The following FAM174C variants were observed in gnomAD, a reference collection of about 807,000 sequenced individuals.
The protein encoded by FAM174C is protein FAM174C.
Under a neutral mutation model 12.3 loss-of-function variants are expected in FAM174C, and 19 were observed. The observed-to-expected ratio is 1.55, with a 90% CI of 1.08 to 2.27. The LOEUF (loss-of-function observed/expected upper bound fraction) is 2.27. Among genes scored for constraint, FAM174C ranks in the 30% most tolerant of loss-of-function variants. FAM174C has a pLI of 0.00. For synonymous variants in FAM174C, 147 were observed against 103.5 expected (o/e 1.42, Z -2.55); for missense variants, 239 against 190.2 (o/e 1.26, Z -1.51).
Position 1,279,156 on chromosome 19 carries a change from G to T in FAM174C, c.*379G>T. ...GCCCAGAGCCAAGGCTGGGTGGGCA[G>T]GTGACCCAAGGAACCTTTCTGGGAA... is the stretch of plus-strand genomic sequence containing the variant. On this transcript the variant is annotated 3_prime_UTR_variant, in exon 3 of 3. Transcript: ENST00000409293. 1 of 1,613,018 alleles carries T rather than the reference G, an allele frequency of 6.2e-7. No homozygotes were observed. The highest frequency in any genetic ancestry group is 8.5e-7 in the Non-Finnish European group (1 of 1,179,924).
At chr19:1,277,497 T>C (rs1663084375) in intron 2 of FAM174C, among the ~76,000 whole-genome samples, 198 bp downstream of exon 2, 2 of 152,014 alleles carry the variant, frequency 1.3e-5, no homozygotes, top group Admixed American at 1.3e-4. Context: ...TAAACTTAAA[T>C]GTTTGTCATT....
Position 1,277,169 on chromosome 19 carries a change from G to A in FAM174C, c.282-14G>A. 6.5e-7 allele frequency: 1 copy of A among 1,535,104 alleles called. No individual in the cohort carries two copies. The highest frequency in any genetic ancestry group is 1.7e-4 in the Middle Eastern group (1 of 5,940). ...CGGGGAGGGGCCACTGACTATGCCT[G>A]GACCTACTTCCAGGTTGAAGAAGCC... On this transcript the variant is annotated splice_polypyrimidine_tract_variant and intron_variant, in intron 1 of 2. Coordinates refer to ENST00000409293, the MANE Select transcript of FAM174C (RefSeq NM_017914.4).
At position 1,277,682 on chromosome 19, in the gene FAM174C, C is replaced by G. The variant is rs376399327; in HGVS notation, c.398+383C>G. On this transcript the variant is annotated intron_variant, in intron 2 of 2. Transcript: ENST00000409293. ...AGAGATGGGGTTTCACCATGTTGGC[C>G]AGGCTGGGTTCCAGCTCCTTACCTC... Among the ~76,000 whole-genome samples the G allele has an allele frequency of 4.4e-4, 67 of 152,210 alleles. 2 individuals are homozygous for G. In the South Asian group the frequency reaches 0.013, roughly 29 times the overall value.
chr19:1,276,952 C>G (rs1053438938), intron 1 of FAM174C: 1 of 485,476 alleles, frequency 2.1e-6, no homozygotes, highest in Non-Finnish European at 3.4e-6. Flanking sequence ...GGTCCTGGCG[C>G]AGGGGAGATG....
chr19:1,276,993 C>T (rs2081418401), intron 1 of FAM174C, 190 bp from the exon 2 acceptor site: 2 of 890,210 alleles, frequency 2.2e-6, no homozygotes, highest in Non-Finnish European at 1.6e-6. Flanking sequence ...TGTCTTCTTA[C>T]TGTCATCGCC....
At chr19:1,276,118 G>A (rs1600041466) in intron 1 of FAM174C, 1 of 464,682 alleles carries the variant, frequency 2.2e-6, no homozygotes, top group Admixed American at 4.2e-5. Flanking sequence ...GGCCACTGAA[G>A]CCGGAGCATG....
At chr19:1,278,674 G>C (rs1283393073) in intron 2 of FAM174C, 103 bp from the exon 3 acceptor site, 2 of 1,554,392 alleles carry the variant, frequency 1.3e-6, no homozygotes, top group East Asian at 4.8e-5. Flanking sequence ...GTAGACCGAG[G>C]GGCCTGGACA....
chr19:1,275,766 T>G lies in FAM174C; in HGVS notation c.217T>G (p.Ser73Ala). The change falls in exon 1 of 3, where the codon TCC becomes GCC. Residue 73 changes from serine (S) to alanine (A), a missense_variant. Transcript: ENST00000409293. Reference protein sequence around the residue: ...PGASGSALTRSFYVILGFCGL... With the variant: ...PGASGSALTRAFYVILGFCGL... The stretch of plus-strand genomic sequence containing the variant: ...GGCGTCGGGCTCGGCGCTGACGCGC[T>G]CCTTCTACGTGATCCTGGGCTTCTG... 6 of 1,539,014 alleles carry G rather than the reference T, an allele frequency of 3.9e-6. No homozygotes were observed. Among genetic ancestry groups the G allele is most frequent in the Non-Finnish European group, 5.2e-6 (6 of 1,145,934 alleles).
chr19:1,277,214 C>T lies in FAM174C; in HGVS notation c.313C>T (p.Leu105Phe). 1.9e-6 allele frequency: 3 copies of T among 1,547,602 alleles called. No individual in the cohort carries two copies. The highest frequency in any genetic ancestry group is 2.5e-5 in the East Asian group (1 of 40,790). The change falls in exon 2 of 3, where the codon CTC becomes TTC. Residue 105 changes from leucine to phenylalanine, a missense_variant. Physicochemically the swap from Leu to Phe is conservative, Grantham distance 22. Coordinates refer to ENST00000409293, the MANE Select transcript of FAM174C (RefSeq NM_017914.4). Reference sequence around the variant, plus strand: ...GAAGCCTCAGCGGAGGCGATACGGCCTCCTCGCCAACACTGAGGACCCCAC... The same window carrying T: ...GAAGCCTCAGCGGAGGCGATACGGCTTCCTCGCCAACACTGAGGACCCCAC... ...LKKPQRRRYGLLANTEDPTEM... is the reference protein window; with the variant it reads ...LKKPQRRRYGFLANTEDPTEM...
At position 1,279,174 on chromosome 19, in the gene FAM174C, TCTGGGAACACCTTCTCGCCGGG is replaced by T; in HGVS notation, c.*407_*428del. 6.2e-7 allele frequency: 1 copy of T among 1,612,808 alleles called. No homozygotes were observed. ...GTGGGCAGGTGACCCAAGGAACCTT[TCTGGGAACACCTTCTCGCCGGG>T]CTGGGAACAATAAATGCAGCCATGT... On this transcript the variant is annotated 3_prime_UTR_variant, in exon 3 of 3. Coordinates refer to ENST00000409293, the MANE Select transcript of FAM174C (RefSeq NM_017914.4).
In FAM174C at chr19:1,275,556, C is replaced by T. The variant is rs1205541051; in HGVS notation, c.7C>T (p.Pro3Ser). MG[P>S]RVLQPPLLLL... Reference sequence around the variant, plus strand: ...CCACCGCTTCCGCCGGGCCATGGGGCCGCGCGTGCTGCAGCCGCCGCTGCT... The same window carrying T: ...CCACCGCTTCCGCCGGGCCATGGGGTCGCGCGTGCTGCAGCCGCCGCTGCT... Residue 3 changes from proline (P) to serine (S), a missense_variant, in exon 1 of 3, where the codon CCG (proline) becomes TCG (serine). By Grantham distance (74) the Pro-to-Ser change is moderately conservative. Coordinates refer to ENST00000409293, the MANE Select transcript of FAM174C (RefSeq NM_017914.4). The T allele has an allele frequency of 1.3e-5, 16 of 1,212,924 alleles. No homozygotes were observed. Among genetic ancestry groups the T allele is most frequent in the South Asian group, 4.0e-5 (1 of 25,292 alleles). 75.1% of individuals were successfully genotyped at this position (1,212,924 alleles called of 1,614,324 possible).
rs12979308 is a variant in FAM174C, at chr19:1,275,988, C to G, written c.281+158C>G. On this transcript the variant is annotated intron_variant, in intron 1 of 2. Coordinates refer to ENST00000409293, the MANE Select transcript of FAM174C (RefSeq NM_017914.4). ...TGGGCGGTGCTGTGCGGGGTCGTCA[C>G]GTGGTGTGGGCGGTGCAGGGGCCAC... 0.78 allele frequency: 551,788 copies of G among 710,924 alleles called. 215,881 individuals are homozygous for G. The highest frequency in any genetic ancestry group is 0.97 in the East Asian group (31,367 of 32,364). The allele number at this position is 710,924 out of a possible 1,614,324, so 44.0% of individuals were successfully genotyped here.
chr19:1,276,157 G>T, intron 1 of FAM174C: 1 of 355,092 alleles, frequency 2.8e-6, no homozygotes, highest in Non-Finnish European at 5.2e-6. Flanking sequence ...CTGGCGGGGC[G>T]AGGGGGCCTC....
rs1179560024 is a variant in FAM174C at position 1,275,748 on chromosome 19, G to C, written c.199G>C (p.Gly67Arg). 2 of 1,535,696 alleles carry C rather than the reference G, an allele frequency of 1.3e-6. No homozygotes were observed. Among genetic ancestry groups the C allele is most frequent in the East Asian group, 5.0e-5 (2 of 39,996 alleles). Residue 67 changes from glycine (G) to arginine (R), a missense_variant, in exon 1 of 3, where the codon GGC becomes CGC. Gly to Arg is a moderately radical substitution (Grantham distance 125, BLOSUM62 -2). Transcript: ENST00000409293. ...STHTRPPGAS[G>R]SALTRSFYVI... The stretch of plus-strand genomic sequence containing the variant: ...GCACACGCGTCCGCCGGGGGCGTCG[G>C]GCTCGGCGCTGACGCGCTCCTTCTA...
At chr19:1,275,883 G>A in intron 1 of FAM174C, 53 bp downstream of exon 1, 1 of 1,495,704 alleles carries the variant, frequency 6.7e-7, no homozygotes, top group Admixed American at 2.0e-5. Context: ...ATTAGCGCGC[G>A]CCTAGTGCGT....
intron 1 of FAM174C, chr19:1,276,950 C>A (rs1478265818): frequency 4.2e-6 from 2 of 473,814 alleles, no homozygotes; most frequent in East Asian, 4.0e-5. Flanking sequence ...GGGGTCCTGG[C>A]GCAGGGGAGA....
rs561014310 is a variant in FAM174C, at chr19:1,278,565, C to T, written c.*-212C>T. On this transcript the variant is annotated intron_variant, in intron 2 of 2. Coordinates refer to ENST00000409293, the MANE Select transcript of FAM174C (RefSeq NM_017914.4). ...CATTCTGGGAACCCCTCCCAGGTTT[C>T]TTCTACCTCCTGGCTGGGGGCCCCT... 3.0e-3 allele frequency among the ~76,000 whole-genome samples: 460 copies of T among 152,210 alleles called. 2 individuals carry two copies. Among genetic ancestry groups the T allele is most frequent in the African/African-American group, 0.011 (449 of 41,514 alleles).
At chr19:1,278,307 G>A (rs954487131) in intron 2 of FAM174C, among the ~76,000 whole-genome samples, 9 of 86,274 alleles carry the variant, frequency 1.0e-4, no homozygotes, top group African/African-American at 4.0e-4. Context: ...GATGCCGGGC[G>A]GGACTGGGGT....
chr19:1,279,218 A>AT lies in FAM174C; in HGVS notation c.*442dup, dbSNP rs750079379. Reference sequence around the variant, plus strand: ...CGGGCTGGGAACAATAAATGCAGCCATGTCTCTGCAGCTGGTGCTGACCCC... The same window carrying AT: ...CGGGCTGGGAACAATAAATGCAGCCATTGTCTCTGCAGCTGGTGCTGACCCC... On this transcript the variant is annotated 3_prime_UTR_variant, in exon 3 of 3. Transcript: ENST00000409293. The AT allele has an allele frequency of 1.2e-6, 2 of 1,603,070 alleles. No individual in the cohort carries two copies. The highest frequency in any genetic ancestry group is 2.2e-5 in the South Asian group (2 of 89,348).
Sources: gnomAD v4.1 joint callset for allele counts (sites outside exome capture counted in the v4.1 genomes callset) on GRCh38, gnomAD v4.1.1 for gene constraint, MANE v1.5 for transcripts, NCBI Gene and HGNC (gene_info 2026-07-23, HGNC 2026-07-21) for gene names.